Variants in ZNF71 observed in about 807,000 individuals in gnomAD.
ZNF71 encodes endothelial zinc finger protein induced by tumor necrosis factor alpha.
A neutral mutation model predicts 6.7 loss-of-function variants in ZNF71; 3 were observed. That is an observed-to-expected ratio of 0.45 (90% CI 0.20 to 1.16). The LOEUF is 1.16. Ranked by LOEUF, ZNF71 falls within the 50% of genes most tolerant of loss-of-function variation. The pLI is 0.25. For missense variants in ZNF71, 688 were observed against 728.6 expected, an observed-to-expected ratio of 0.94 and a Z score of 0.64; for synonymous variants, 343 against 311.1, an observed-to-expected ratio of 1.10 and a Z score of -1.08.
chr19:56,620,055 A>G (rs908369674), intron 3 of ZNF71, among the ~76,000 whole-genome samples: 3 of 152,240 alleles, frequency 2.0e-5, no homozygotes, highest in African/African-American at 7.2e-5. Context: ...CCCAAGAACT[A>G]GGCAGCGTGT....
At position 56,622,922 on chromosome 19, in the gene ZNF71, C is replaced by T; in HGVS notation, c.*165C>T. On this transcript the variant is annotated 3_prime_UTR_variant, in exon 4 of 4. Transcript: ENST00000599599. ...AGGGGCTGGCTGATCACACATGCCC[C>T]CTCCTTACTGAGCCTCAGAAAGCAA... 5.6e-6 allele frequency: 5 copies of T among 889,466 alleles called. No homozygotes were observed. Among genetic ancestry groups the T allele is most frequent in the East Asian group, 2.7e-5 (1 of 37,322 alleles). 55.1% of individuals were successfully genotyped at this position (889,466 alleles called of 1,614,324 possible).
intron 2 of ZNF71, among the ~76,000 whole-genome samples, chr19:56,611,211 C>T (rs977281501): frequency 1.3e-5 from 2 of 152,118 alleles, no homozygotes; most frequent in African/African-American, 4.8e-5. Flanking sequence ...GAGCAGAGCA[C>T]AAGGGGCAGA....
At chr19:56,600,914 C>G (rs1233822158) in intron 1 of ZNF71, among the ~76,000 whole-genome samples, 1 of 152,116 alleles carries the variant, frequency 6.6e-6, no homozygotes, top group East Asian at 1.9e-4. Context: ...CTCATATCTG[C>G]TAGTTGAACC....
intron 2 of ZNF71, among the ~76,000 whole-genome samples, chr19:56,608,255 C>T (rs1049211441): frequency 7.9e-5 from 12 of 152,030 alleles, no homozygotes; most frequent in Non-Finnish European, 1.3e-4. Context: ...AACTGAAACT[C>T]TGCAGCCATT....
At position 56,598,513 on chromosome 19, in the gene ZNF71, T is replaced by C. The variant is rs2044643223; in HGVS notation, c.-52-2994T>C. On this transcript the variant is annotated intron_variant, in intron 1 of 3. Transcript: ENST00000599599. This position sits in a 1 kb window ranked among gnomAD's most constrained non-coding sequence, Gnocchi z 4.2. ...CAGGTGTGGTGCCCGGGTACAGGCA[T>C]TAAGTGGTAGGAACCCCCAGCCCAC... Among the ~76,000 whole-genome samples, 1 of 152,188 alleles carries C rather than the reference T, an allele frequency of 6.6e-6. No homozygotes were observed. The highest frequency in any genetic ancestry group is 6.5e-5 in the Admixed American group (1 of 15,284).
intron 1 of ZNF71, among the ~76,000 whole-genome samples, chr19:56,596,374 G>A (rs969941541): frequency 6.6e-6 from 1 of 152,132 alleles, no homozygotes; most frequent in African/African-American, 2.4e-5. Context: ...GCCTGGACAA[G>A]GGAGCCTAGC....
chr19:56,622,235 C>G lies in ZNF71; in HGVS notation c.1128C>G (p.His376Gln). ...AFNKSSSLTL[H>Q]QRNHTGEKPY... The stretch of plus-strand genomic sequence containing the variant: ...ACAAGAGCTCCTCGCTCACCCTGCA[C>G]CAGAGGAACCACACCGGCGAGAAGC... Residue 376 changes from histidine to glutamine, a missense_variant, in exon 4 of 4, where the codon CAC becomes CAG. Coordinates refer to ENST00000599599, the MANE Select transcript of ZNF71 (RefSeq NM_001370215.1). 3.1e-6 allele frequency: 5 copies of G among 1,609,126 alleles called. No individual in the cohort carries two copies. The highest frequency in any genetic ancestry group is 4.3e-6 in the Non-Finnish European group (5 of 1,175,530).
At chr19:56,595,843 GTGTGTGTGTT>G (rs1295286176) in intron 1 of ZNF71, among the ~76,000 whole-genome samples, 4 of 139,842 alleles carry the variant, frequency 2.9e-5, no homozygotes, top group South Asian at 2.4e-4. Flanking sequence ...TTGTGATTGT[GTGTGTGTGTT>G]TGTGTGTGTG....
At position 56,621,496 on chromosome 19, in the gene ZNF71, G is replaced by C; in HGVS notation, c.389G>C (p.Gly130Ala). Reference sequence around the variant, plus strand: ...CCCCAGGGGAACAAACTCTTAGGGGGCTCAGTACCCGCATGTCATGAACTG... The same window carrying C: ...CCCCAGGGGAACAAACTCTTAGGGGCCTCAGTACCCGCATGTCATGAACTG... ...GIPQGNKLLG[G>A]SVPACHELKA... Residue 130 changes from glycine to alanine, a missense_variant, in exon 4 of 4, where the codon GGC becomes GCC. Transcript: ENST00000599599. The C allele has an allele frequency of 3.7e-6, 6 of 1,614,142 alleles. No homozygotes were observed. The South Asian group carries it at 5.5e-5, about 15-fold the overall frequency.
At chr19:56,601,974 A>G (rs1242498508) in intron 2 of ZNF71, among the ~76,000 whole-genome samples, 7 of 152,214 alleles carry the variant, frequency 4.6e-5, no homozygotes, top group African/African-American at 1.7e-4. Context: ...TGAAAGTACA[A>G]AAGCTTATGG....
intron 1 of ZNF71, among the ~76,000 whole-genome samples, chr19:56,601,294 A>G (rs1437693212): frequency 6.6e-6 from 1 of 151,918 alleles, no homozygotes; most frequent in East Asian, 1.9e-4. Context: ...AGTAGTACCT[A>G]CCTTCCAGGA....
At position 56,621,938 on chromosome 19, in the gene ZNF71, CGT is replaced by C. The variant is rs764289300; in HGVS notation, c.837_838del (p.Cys279TrpfsTer322). On this transcript the variant is annotated frameshift_variant, in exon 4 of 4. Coordinates refer to ENST00000599599, the MANE Select transcript of ZNF71 (RefSeq NM_001370215.1). LOFTEE classifies it low-confidence loss of function (END_TRUNC). ...HTGEKPYVCD[V>X]CGKAFRKTSS... ...CGGGCGAGAAGCCGTATGTGTGCGA[CGT>C]GTGTGGCAAGGCCTTCCGGAAGACT... The C allele has an allele frequency of 6.2e-7, 1 of 1,606,282 alleles. No homozygotes were observed. The highest frequency in any genetic ancestry group is 8.5e-7 in the Non-Finnish European group (1 of 1,178,510).
rs200131241 is a variant in ZNF71 at position 56,617,107 on chromosome 19, C to CTTTTTT, written c.160+3173_160+3174insTTTTTT. ...TAAGATTACAGGAGACTTCCATTTT[C>CTTTTTT]TTTTGTTTTTTTTTGTTTTTTTTGA... On this transcript the variant is annotated intron_variant, in intron 3 of 3. Transcript: ENST00000599599. 1.8e-4 allele frequency among the ~76,000 whole-genome samples: 21 copies of CTTTTTT among 117,136 alleles called. 1 individual carries two copies. The East Asian group carries it at 2.6e-3, about 15-fold the overall frequency. The allele number at this position is 117,136 out of a possible 152,430, so 76.8% of individuals were successfully genotyped here.
At position 56,598,377 on chromosome 19, in the gene ZNF71, A is replaced by G. The variant is rs1033915126; in HGVS notation, c.-53+2949A>G. On this transcript the variant is annotated intron_variant, in intron 1 of 3. Coordinates refer to ENST00000599599, the MANE Select transcript of ZNF71 (RefSeq NM_001370215.1). The surrounding 1 kb of genome is among the most constrained non-coding windows in gnomAD (Gnocchi z 4.2). ...CCATCAGGGGCACATCATAAGGGCT[A>G]TGTGGGCAGCAGTGAAGACTTTGAG... Among the ~76,000 whole-genome samples the G allele has an allele frequency of 5.9e-5, 9 of 152,112 alleles. No individual in the cohort carries two copies. The highest frequency in any genetic ancestry group is 2.2e-4 in the African/African-American group (9 of 41,428).
intron 2 of ZNF71, among the ~76,000 whole-genome samples, chr19:56,608,704 C>G (rs2044728059): frequency 6.6e-6 from 1 of 151,904 alleles, no homozygotes; most frequent in Non-Finnish European, 1.5e-5. Context: ...TCGGGGCTGT[C>G]TTGGAGGCTG....
chr19:56,601,797 C>G (rs1369681603), intron 2 of ZNF71, among the ~76,000 whole-genome samples: 2 of 152,102 alleles, frequency 1.3e-5, no homozygotes, highest in East Asian at 1.9e-4. Flanking sequence ...AATGGCCAAA[C>G]TAGCTCTCTG....
intron 3 of ZNF71, among the ~76,000 whole-genome samples, chr19:56,619,986 G>A (rs553353357): frequency 1.3e-5 from 2 of 152,326 alleles, no homozygotes; most frequent in African/African-American, 4.8e-5. Context: ...TATTTAGCCA[G>A]GGAGGGTGGA....
In ZNF71 at chr19:56,624,367, ACAT is replaced by A. The variant is rs2044892541; in HGVS notation, c.*1615_*1617del. ...TCTGGCTCTCCCTTCATACTTCTTA[ACAT>A]CATCCTCAGGCTGGCTTCCCACGTG... On this transcript the variant is annotated 3_prime_UTR_variant, in exon 4 of 4. Coordinates refer to ENST00000599599, the MANE Select transcript of ZNF71 (RefSeq NM_001370215.1). 1 of 152,114 alleles carries A rather than the reference ACAT, an allele frequency of 6.6e-6. No individual in the cohort carries two copies. The highest frequency in any genetic ancestry group is 1.5e-5 in the Non-Finnish European group (1 of 68,044). 9.4% of individuals were successfully genotyped at this position (152,114 alleles called of 1,614,324 possible).
intron 2 of ZNF71, among the ~76,000 whole-genome samples, chr19:56,606,716 T>C (rs549985485): frequency 6.6e-6 from 1 of 152,104 alleles, no homozygotes; most frequent in African/African-American, 2.4e-5. Flanking sequence ...CTGCTTGGGC[T>C]TCCTCACAGC....
Sources: allele counts gnomAD v4.1 joint callset (sites outside exome capture counted in the v4.1 genomes callset), GRCh38; gene constraint gnomAD v4.1.1; non-coding constraint Gnocchi (gnomAD v3.1); transcripts MANE v1.5; gene names NCBI Gene and HGNC (gene_info 2026-07-23, HGNC 2026-07-21).